RALGPS1: variants seen among roughly 807,000 people sequenced by gnomAD.
RALGPS1 encodes Ral GEF with PH domain and SH3 binding motif 1.
Under a neutral mutation model 78.8 loss-of-function variants are expected in RALGPS1, and 19 were observed. The ratio of observed to expected loss-of-function variants is 0.24; its 90% CI spans 0.17 to 0.35. The LOEUF (loss-of-function observed/expected upper bound fraction) is 0.35. Among genes scored for constraint, RALGPS1 ranks in the 10% least tolerant of loss-of-function variants. The pLI is 1.00. For synonymous variants in RALGPS1, 228 were observed against 256.3 expected, an observed-to-expected ratio of 0.89 and a Z score of 1.06; for missense variants, 454 against 688.3, an observed-to-expected ratio of 0.66 and a Z score of 3.81.
At chr9:126,992,555 T>G (rs1333543386) in intron 4 of RALGPS1, among the ~76,000 whole-genome samples, 1 of 152,202 alleles carries the variant, frequency 6.6e-6, no homozygotes, top group Admixed American at 6.5e-5. Flanking sequence ...ACCAAAGAAG[T>G]CTGCTGGGAT....
At chr9:127,206,513 A>G (rs1220158575) in intron 14 of RALGPS1, among the ~76,000 whole-genome samples, 1 of 152,158 alleles carries the variant, frequency 6.6e-6, no homozygotes, top group African/African-American at 2.4e-5. Flanking sequence ...CTCACTCACT[A>G]TCATGAGAAC....
chr9:127,155,086 A>G (rs932468544), intron 8 of RALGPS1, among the ~76,000 whole-genome samples: 3 of 152,204 alleles, frequency 2.0e-5, no homozygotes, highest in African/African-American at 7.2e-5. Context: ...CGGATACCAC[A>G]GTGTGGGGCT....
chr9:127,181,420 A>G (rs1352907740), intron 11 of RALGPS1, among the ~76,000 whole-genome samples: 1 of 152,168 alleles, frequency 6.6e-6, no homozygotes, highest in Non-Finnish European at 1.5e-5. Context: ...GCGCAGCCTC[A>G]TGCATTGAGG....
chr9:127,156,873 C>T, intron 8 of RALGPS1, among the ~76,000 whole-genome samples: 1 of 151,908 alleles, frequency 6.6e-6, no homozygotes, highest in East Asian at 1.9e-4. Flanking sequence ...ATTTCAACTC[C>T]CTAATTTATC....
At chr9:127,139,829 C>T (rs952782675) in intron 8 of RALGPS1, among the ~76,000 whole-genome samples, 2 of 152,244 alleles carry the variant, frequency 1.3e-5, no homozygotes, top group South Asian at 4.1e-4. Flanking sequence ...CTTTCTTGCT[C>T]AGTTTTTCTC....
intron 3 of RALGPS1, among the ~76,000 whole-genome samples, chr9:126,969,232 T>C (rs1300367702): frequency 6.6e-6 from 1 of 152,188 alleles, no homozygotes; most frequent in African/African-American, 2.4e-5. Flanking sequence ...CAAAATCCGA[T>C]GTGTGTGTAT....
intron 8 of RALGPS1, among the ~76,000 whole-genome samples, chr9:127,165,079 A>C (rs1017898154): frequency 6.6e-6 from 1 of 152,104 alleles, no homozygotes; most frequent in African/African-American, 2.4e-5. Context: ...TAACCATTAG[A>C]TCTTCTTGAT....
intron 4 of RALGPS1, among the ~76,000 whole-genome samples, chr9:127,006,962 G>T (rs548736125): frequency 6.6e-5 from 10 of 152,204 alleles, no homozygotes; most frequent in Admixed American, 5.9e-4. Flanking sequence ...AGAAAGAGAG[G>T]AGGGGAGGGA....
At position 127,059,514 on chromosome 9, in the gene RALGPS1, A is replaced by G. The variant is rs189400345; in HGVS notation, c.483+6575A>G. ...TGAAAAATCTCTTTTCCCTTGGCTT[A>G]ATTTTCTTCCTCTTGACTTCTTTTG... On this transcript the variant is annotated intron_variant, in intron 7 of 18. Transcript: ENST00000259351. Among the ~76,000 whole-genome samples the G allele has an allele frequency of 1.4e-3, 209 of 152,170 alleles. 2 individuals are homozygous for G. Among genetic ancestry groups the G allele is most frequent in the African/African-American group, 4.7e-3 (197 of 41,494 alleles).
At chr9:126,964,227 G>A (rs1206262789) in intron 2 of RALGPS1, among the ~76,000 whole-genome samples, 1 of 151,912 alleles carries the variant, frequency 6.6e-6, no homozygotes, top group African/African-American at 2.4e-5. Context: ...GCATGGTGGC[G>A]GGTGCCTGTA....
chr9:127,191,481 G>C (rs531660916), intron 11 of RALGPS1, among the ~76,000 whole-genome samples: 1 of 152,042 alleles, frequency 6.6e-6, no homozygotes, highest in Non-Finnish European at 1.5e-5. Flanking sequence ...TGGTAATGCC[G>C]CCACCATCAG....
At chr9:127,047,698 CAAAAA>C (rs539204984) in intron 5 of RALGPS1, among the ~76,000 whole-genome samples, 1 of 84,954 alleles carries the variant, frequency 1.2e-5, no homozygotes, top group Non-Finnish European at 2.4e-5. Context: ...GACGCCCTCT[CAAAAA>C]AAAAAAAAAA....
At chr9:126,982,548 G>C (rs1423030225) in intron 4 of RALGPS1, among the ~76,000 whole-genome samples, 1 of 152,214 alleles carries the variant, frequency 6.6e-6, no homozygotes, top group Non-Finnish European at 1.5e-5. Flanking sequence ...ACCAGGCATT[G>C]TGTTGAGCGG....
intron 11 of RALGPS1, among the ~76,000 whole-genome samples, chr9:127,188,695 G>C: frequency 6.6e-6 from 1 of 151,980 alleles, no homozygotes. Flanking sequence ...GCTGGTTGCA[G>C]TGGCTCATGC....
At chr9:126,963,033 T>C (rs1413407420) in intron 2 of RALGPS1, among the ~76,000 whole-genome samples, 1 of 152,252 alleles carries the variant, frequency 6.6e-6, no homozygotes, top group Non-Finnish European at 1.5e-5. Context: ...TAGTTTCTTA[T>C]AAACCTTTCA....
intron 8 of RALGPS1, chr9:127,093,689 C>T (rs1320418273): frequency 1.2e-6 from 2 of 1,604,912 alleles, no homozygotes; most frequent in Non-Finnish European, 1.7e-6. Flanking sequence ...TGGGGTGGGC[C>T]AGTCACCTTG....
chr9:127,204,087 T>G (rs1454478619), intron 14 of RALGPS1, among the ~76,000 whole-genome samples: 1 of 152,166 alleles, frequency 6.6e-6, no homozygotes, highest in African/African-American at 2.4e-5. Context: ...GAGCCTCCAT[T>G]CCTCAGCCCT....
At chr9:127,215,290 G>A (rs1230183324) in intron 18 of RALGPS1, among the ~76,000 whole-genome samples, 1 of 152,240 alleles carries the variant, frequency 6.6e-6, no homozygotes, top group Non-Finnish European at 1.5e-5. Context: ...ACGCAAAGCT[G>A]CTGGTGAAAG....
At chr9:127,180,470 G>A (rs540607170) in intron 11 of RALGPS1, among the ~76,000 whole-genome samples, 1 of 152,368 alleles carries the variant, frequency 6.6e-6, no homozygotes, top group African/African-American at 2.4e-5. Context: ...GCAGTTCTTA[G>A]CTGTAGGCCC....
Sources: gnomAD v4.1 joint callset for allele counts (sites outside exome capture counted in the v4.1 genomes callset) on GRCh38, gnomAD v4.1.1 for gene constraint, MANE v1.5 for transcripts, NCBI Gene and HGNC (gene_info 2026-07-23, HGNC 2026-07-21) for gene names.